Variants in LDB3 observed in about 807,000 individuals in gnomAD.
LDB3 encodes the protein LIM domain-binding protein 3.
LDB3 carries 49 observed loss-of-function variants against 69.0 expected under a neutral mutation model. That is an observed-to-expected ratio of 0.71 (90% CI 0.56 to 0.90). LDB3 has a LOEUF of 0.90. Ranked by LOEUF, LDB3 falls within the 40% of genes least tolerant of loss-of-function variation. LDB3 has a pLI of 0.00. For missense variants in LDB3, 928 were observed against 974.1 expected (o/e 0.95, Z 0.63); for synonymous variants, 387 against 396.2 (o/e 0.98, Z 0.28).
At chr10:86,730,431 A>G (rs1485785632) in intron 13 of LDB3, among the ~76,000 whole-genome samples, 1 of 91,072 alleles carries the variant, frequency 1.1e-5, no homozygotes, top group Non-Finnish European at 2.7e-5. Context: ...ACCTACTGGC[A>G]TATTGCCAAC....
At chr10:86,700,541 C>G (rs1201148292) in intron 7 of LDB3, among the ~76,000 whole-genome samples, 2 of 152,152 alleles carry the variant, frequency 1.3e-5, no homozygotes, top group Non-Finnish European at 2.9e-5. Flanking sequence ...GGCTGGGGCT[C>G]AGGGGAAAAG....
Position 86,681,543 on chromosome 10 carries a change from C to A in LDB3, c.429C>A (p.Ser143Arg). Residue 143 changes from serine (S) to arginine (R), a missense_variant, in exon 5 of 14, where the codon AGC becomes AGA. Transcript: ENST00000361373. ...CCCCGGAGCTCAGGCCCACCTTTAG[C>A]CCTGCCTTCTCCCGGCCCTCCGCCT... Reference protein sequence around the residue: ...PGTPELRPTFSPAFSRPSAFS... With the variant: ...PGTPELRPTFRPAFSRPSAFS... 1 of 1,612,872 alleles carries A rather than the reference C, an allele frequency of 6.2e-7. No individual in the cohort carries two copies. Among genetic ancestry groups the A allele is most frequent in the South Asian group, 1.1e-5 (1 of 91,076 alleles).
chr10:86,701,584 G>A (rs764641191), intron 7 of LDB3, among the ~76,000 whole-genome samples: 2 of 152,218 alleles, frequency 1.3e-5, no homozygotes, highest in Non-Finnish European at 2.9e-5. Flanking sequence ...AATCGGAAAG[G>A]GCCGATGCGG....
At chr10:86,679,959 C>G in intron 3 of LDB3, 123 bp from the exon 4 acceptor site, 1 of 862,336 alleles carries the variant, frequency 1.2e-6, no homozygotes, top group Non-Finnish European at 1.9e-6. Flanking sequence ...GGCCCTCTGA[C>G]TCAGCTATCT....
Position 86,717,998 on chromosome 10 carries a change from C to A in LDB3, c.1711C>A (p.His571Asn), listed in dbSNP as rs777095535. 1 of 1,614,178 alleles carries A rather than the reference C, an allele frequency of 6.2e-7. No individual in the cohort carries two copies. Among genetic ancestry groups the A allele is most frequent in the Non-Finnish European group, 8.5e-7 (1 of 1,180,012 alleles). ...TCTGGTAGCCATGGGCCGTTCTTGG[C>A]ACCCTGAAGAGTTCACCTGTGCCTA... Reference protein sequence around the residue: ...PFLVAMGRSWHPEEFTCAYCK... With the variant: ...PFLVAMGRSWNPEEFTCAYCK... The change falls in exon 11 of 14, where the codon CAC (histidine) becomes AAC (asparagine). Residue 571 changes from histidine to asparagine, a missense_variant. Physicochemically the swap from His to Asn is moderately conservative, Grantham distance 68. Transcript: ENST00000361373.
In LDB3 at chr10:86,717,971, T is replaced by C; in HGVS notation, c.1684T>C (p.Phe562Leu). ...GHCNNVIRGP[F>L]LVAMGRSWHP... Reference sequence around the variant, plus strand: ...CATTCTGTGCTTCCCCAGGGGCCCATTTCTGGTAGCCATGGGCCGTTCTTG... The same window carrying C: ...CATTCTGTGCTTCCCCAGGGGCCCACTTCTGGTAGCCATGGGCCGTTCTTG... Residue 562 changes from phenylalanine to leucine, a missense_variant, in exon 11 of 14, where the codon TTT becomes CTT. By Grantham distance (22) the Phe-to-Leu change is conservative. Transcript: ENST00000361373. The C allele has an allele frequency of 6.2e-7, 1 of 1,614,074 alleles. No individual in the cohort carries two copies. Among genetic ancestry groups the C allele is most frequent in the Non-Finnish European group, 8.5e-7 (1 of 1,179,950 alleles).
chr10:86,680,875 G>C (rs920969173), intron 4 of LDB3, among the ~76,000 whole-genome samples: 7 of 152,234 alleles, frequency 4.6e-5, no homozygotes, highest in Non-Finnish European at 2.9e-5. Flanking sequence ...GGGAGAAAAA[G>C]AGGCTGACAG....
intron 13 of LDB3, among the ~76,000 whole-genome samples, chr10:86,728,597 T>TGTTTTTTTTTTTG (rs1554868910): frequency 4.3e-5 from 6 of 140,494 alleles, no homozygotes; most frequent in African/African-American, 1.8e-4. Flanking sequence ...TTTTTTTTTT[T>TGTTTTTTTTTTTG]TTTTGAGACA....
At chr10:86,673,317 C>T (rs1379724694) in intron 2 of LDB3, among the ~76,000 whole-genome samples, 1 of 152,188 alleles carries the variant, frequency 6.6e-6, no homozygotes, top group African/African-American at 2.4e-5. Context: ...GCTTTGGACA[C>T]AGAAGGTCAT....
chr10:86,697,635 C>A (rs1421349289), intron 7 of LDB3, among the ~76,000 whole-genome samples: 4 of 147,572 alleles, frequency 2.7e-5, no homozygotes, highest in Non-Finnish European at 4.5e-5. Context: ...TTCACTGCAA[C>A]CTCCGCCTCC....
chr10:86,681,513 A>T lies in LDB3; in HGVS notation c.399A>T (p.Pro133=), dbSNP rs769713715. The T allele has an allele frequency of 1.4e-5, 23 of 1,611,722 alleles. No homozygotes were observed. The highest frequency in any genetic ancestry group is 1.9e-5 in the Non-Finnish European group (23 of 1,179,764). Residue 133 remains proline, a synonymous_variant, in exon 5 of 14, where the codon CCA becomes CCT. Coordinates refer to ENST00000361373, the MANE Select transcript of LDB3 (RefSeq NM_007078.3). ...SPEARASPGT[P]GTPELRPTFS... The stretch of plus-strand genomic sequence containing the variant: ...AGGCGAGGGCCAGCCCAGGCACCCC[A>T]GGCACCCCGGAGCTCAGGCCCACCT...
chr10:86,735,318 T>G lies in LDB3; in HGVS notation c.*2342T>G, dbSNP rs990189424. On this transcript the variant is annotated 3_prime_UTR_variant, in exon 14 of 14. Coordinates refer to ENST00000361373, the MANE Select transcript of LDB3 (RefSeq NM_007078.3). ...AGCAGGAAAAGAAGGTAGTTTTGAG[T>G]GTGGTTCACTCAGTGTCTGTGAGTC... 3 of 150,214 alleles carry G rather than the reference T, an allele frequency of 2.0e-5. No individual in the cohort carries two copies. Among genetic ancestry groups the G allele is most frequent in the Non-Finnish European group, 3.0e-5 (2 of 67,662 alleles). 9.3% of individuals were successfully genotyped at this position (150,214 alleles called of 1,614,324 possible).
At chr10:86,727,541 CTG>C (rs1287209654) in intron 13 of LDB3, among the ~76,000 whole-genome samples, 1 of 152,212 alleles carries the variant, frequency 6.6e-6, no homozygotes, top group Admixed American at 6.5e-5. Context: ...TGTATTCACT[CTG>C]TGTGTCGGTT....
chr10:86,725,856 A>G (rs1402230571), intron 12 of LDB3, among the ~76,000 whole-genome samples: 1 of 152,240 alleles, frequency 6.6e-6, no homozygotes, highest in African/African-American at 2.4e-5. Flanking sequence ...ACAGAAGCAG[A>G]GGAGACAATC....
chr10:86,690,168 T>C (rs553264679), intron 5 of LDB3, among the ~76,000 whole-genome samples: 1 of 152,154 alleles, frequency 6.6e-6, no homozygotes, highest in Non-Finnish European at 1.5e-5. Context: ...CAAAGCTCTG[T>C]AGAGAGGCTC....
Position 86,733,170 on chromosome 10 carries a change from A to AT in LDB3, c.*195dup. The AT allele has an allele frequency of 1.8e-6, 1 of 566,076 alleles. No homozygotes were observed. The highest frequency in any genetic ancestry group is 3.2e-6 in the Non-Finnish European group (1 of 314,370). The allele number at this position is 566,076 out of a possible 1,614,324, so 35.1% of individuals were successfully genotyped here. On this transcript the variant is annotated 3_prime_UTR_variant, in exon 14 of 14. Coordinates refer to ENST00000361373, the MANE Select transcript of LDB3 (RefSeq NM_007078.3). ...TTGCATAGTTCAGACTAGGAGCCAAATGAAGACTCAAAACCAAGCTAGTTA... is the reference window on the plus strand; with the variant it reads ...TTGCATAGTTCAGACTAGGAGCCAAATTGAAGACTCAAAACCAAGCTAGTTA...
At chr10:86,710,073 A>T in intron 9 of LDB3, 23 bp downstream of exon 9, 1 of 1,610,594 alleles carries the variant, frequency 6.2e-7, no homozygotes, top group Non-Finnish European at 8.5e-7. Context: ...GCAGGAGGGG[A>T]GGCTGTCGAA....
chr10:86,709,426 TC>T (rs1328336043), intron 8 of LDB3, among the ~76,000 whole-genome samples: 3 of 152,138 alleles, frequency 2.0e-5, no homozygotes, highest in Non-Finnish European at 4.4e-5. Context: ...TCTCCTGACT[TC>T]CCCTGAGCTC....
intron 5 of LDB3, among the ~76,000 whole-genome samples, chr10:86,683,945 C>T (rs372335123): frequency 4.1e-4 from 63 of 152,330 alleles, no homozygotes; most frequent in Middle Eastern, 3.4e-3. Context: ...CAGGCTGGGA[C>T]GGGTGGGTAA....
Sources: allele counts gnomAD v4.1 joint callset (sites outside exome capture counted in the v4.1 genomes callset), GRCh38; gene constraint gnomAD v4.1.1; transcripts MANE v1.5; gene names NCBI Gene and HGNC (gene_info 2026-07-23, HGNC 2026-07-21).